Variants in OPHN1 observed in about 807,000 individuals in gnomAD.
OPHN1 encodes oligophrenin 1, also known as oligophrenin-1.
In OPHN1, 11 loss-of-function variants were observed where a neutral mutation model predicts 60.7. The observed-to-expected ratio is 0.18, with a 90% CI of 0.11 to 0.30. The LOEUF (loss-of-function observed/expected upper bound fraction) is 0.30. Among genes scored for constraint, OPHN1 ranks in the 10% least tolerant of loss-of-function variants. The pLI is 1.00. For missense variants in OPHN1, 449 were observed against 611.0 expected (o/e 0.73, Z 2.80); for synonymous variants, 226 against 222.6 (o/e 1.02, Z -0.14).
intron 4 of OPHN1, among the ~76,000 whole-genome samples, chrX:68,275,856 G>A (rs1174853705): frequency 9.0e-6 from 1 of 110,783 alleles, no homozygotes; most frequent in Non-Finnish European, 1.9e-5. Flanking sequence ...GGTAATTTGG[G>A]CCTCTTGTTC....
chrX:68,189,955 T>C (rs754717024), intron 15 of OPHN1, among the ~76,000 whole-genome samples: 1 of 109,323 alleles, frequency 9.1e-6, no homozygotes, highest in South Asian at 4.1e-4. Flanking sequence ...AGTATCCTTT[T>C]GACTAGCACA....
At chrX:68,408,759 C>T (rs1410103872) in intron 2 of OPHN1, among the ~76,000 whole-genome samples, 2 of 112,580 alleles carry the variant, frequency 1.8e-5, no homozygotes, top group African/African-American at 3.2e-5. Context: ...GCAAGGAATT[C>T]GAGACCAGCC....
intron 19 of OPHN1, among the ~76,000 whole-genome samples, chrX:68,085,485 C>G (rs758304683): frequency 8.9e-6 from 1 of 112,078 alleles, no homozygotes; most frequent in African/African-American, 3.2e-5. Context: ...AAAAAAGGGC[C>G]TTTGTTTTGT....
chrX:68,270,327 T>A (rs1184369570), intron 5 of OPHN1, among the ~76,000 whole-genome samples: 1 of 110,605 alleles, frequency 9.0e-6, no homozygotes, highest in Non-Finnish European at 1.9e-5. Flanking sequence ...TAGCAAAGAC[T>A]TGGAACCAAC....
At chrX:68,357,619 A>G (rs2078448585) in intron 2 of OPHN1, among the ~76,000 whole-genome samples, 1 of 111,151 alleles carries the variant, frequency 9.0e-6, no homozygotes, top group Non-Finnish European at 1.9e-5. Context: ...TCCATGGTGT[A>G]TATGTGCCAC....
intron 21 of OPHN1, among the ~76,000 whole-genome samples, chrX:68,056,869 AT>A (rs944180641): frequency 3.6e-5 from 4 of 111,489 alleles, no homozygotes; most frequent in African/African-American, 1.3e-4. Context: ...CTGTTTTGTT[AT>A]CATTGGTAAT....
intron 2 of OPHN1, among the ~76,000 whole-genome samples, chrX:68,375,559 G>A (rs768245906): frequency 1.2e-4 from 13 of 110,843 alleles, no homozygotes; most frequent in Non-Finnish European, 2.5e-4. Context: ...TGCTTGCTAG[G>A]TGCCAGGAAC....
chrX:68,357,159 G>GAT (rs2078445107), intron 2 of OPHN1, among the ~76,000 whole-genome samples: 2 of 111,666 alleles, frequency 1.8e-5, no homozygotes, highest in Non-Finnish European at 3.8e-5. Context: ...AATCAGCCAG[G>GAT]ATATATATAT....
chrX:68,393,132 C>T (rs1177519387), intron 2 of OPHN1, among the ~76,000 whole-genome samples: 1 of 112,201 alleles, frequency 8.9e-6, no homozygotes, highest in Non-Finnish European at 1.9e-5. Flanking sequence ...CTCCGCTTCC[C>T]GTAAGGGGTT....
At chrX:68,193,786 T>C (rs1402971396) in intron 14 of OPHN1, 104 bp downstream of exon 14, 48 of 696,461 alleles carry the variant, frequency 6.9e-5, no homozygotes, top group Non-Finnish European at 6.9e-6. Flanking sequence ...ACACAAGCTT[T>C]ATAAACAGTC....
At chrX:68,428,408 C>T (rs963969574) in intron 2 of OPHN1, among the ~76,000 whole-genome samples, 2 of 111,785 alleles carry the variant, frequency 1.8e-5, no homozygotes, top group South Asian at 3.8e-4. Flanking sequence ...TCAGCTTTCC[C>T]TCTCATGTCA....
At chrX:68,274,535 G>A (rs889610573) in intron 5 of OPHN1, among the ~76,000 whole-genome samples, 2 of 110,133 alleles carry the variant, frequency 1.8e-5, no homozygotes, top group Non-Finnish European at 3.8e-5. Context: ...CCTTTGTCAT[G>A]TTAGCTGAGG....
chrX:68,263,808 C>G (rs889644425), intron 5 of OPHN1, among the ~76,000 whole-genome samples: 1 of 111,313 alleles, frequency 9.0e-6, no homozygotes, highest in Non-Finnish European at 1.9e-5. Context: ...GTTTAGTAGT[C>G]ACATTTCAAA....
At chrX:68,307,455 C>CAA (rs755589727) in intron 2 of OPHN1, among the ~76,000 whole-genome samples, 7,306 of 83,342 alleles carry the variant, frequency 0.088, 891 homozygotes, top group African/African-American at 0.31. Context: ...GACCCTATGT[C>CAA]AACAAAAAAA....
intron 15 of OPHN1, among the ~76,000 whole-genome samples, chrX:68,123,381 T>A (rs2147448250): frequency 8.9e-6 from 1 of 111,922 alleles, no homozygotes; most frequent in East Asian, 2.8e-4. Context: ...TAAGAAATCA[T>A]CTGAAGATAT....
At chrX:68,187,659 G>A (rs2077469036) in intron 15 of OPHN1, among the ~76,000 whole-genome samples, 1 of 111,083 alleles carries the variant, frequency 9.0e-6, no homozygotes, top group African/African-American at 3.3e-5. Context: ...GTGGAGTCTT[G>A]CTCTGTCGCC....
chrX:68,390,312 A>G, intron 2 of OPHN1, among the ~76,000 whole-genome samples: 1 of 111,751 alleles, frequency 8.9e-6, no homozygotes, highest in East Asian at 2.8e-4. Context: ...AAAGGAAAAC[A>G]CTGGGGCCGG....
chrX:68,079,698 C>G (rs766306689), intron 19 of OPHN1, among the ~76,000 whole-genome samples: 3 of 111,979 alleles, frequency 2.7e-5, no homozygotes, highest in Non-Finnish European at 5.6e-5. Flanking sequence ...ACCAATATAT[C>G]TAACTAACTG....
intron 15 of OPHN1, among the ~76,000 whole-genome samples, chrX:68,125,327 AATT>A (rs1452119498): frequency 2.7e-5 from 3 of 111,766 alleles, no homozygotes; most frequent in Non-Finnish European, 3.8e-5. Flanking sequence ...TAGAAGAAAT[AATT>A]AAGATCAGAG....
Sources: gnomAD v4.1 joint callset for allele counts (sites outside exome capture counted in the v4.1 genomes callset) on GRCh38, gnomAD v4.1.1 for gene constraint, MANE v1.5 for transcripts, NCBI Gene and HGNC (gene_info 2026-07-23, HGNC 2026-07-21) for gene names.